Variants in MATCAP1 observed in about 807,000 individuals in gnomAD.
MATCAP1 encodes the protein microtubule associated tyrosine carboxypeptidase 1, also known as microtubule-associated tyrosine carboxypeptidase 1.
At chr16:67,183,032 T>C in the MATCAP1 span, among the ~76,000 whole-genome samples, 1 of 152,188 alleles carries the variant, frequency 6.6e-6, no homozygotes, top group African/African-American at 2.4e-5. Flanking sequence ...CAAGAGCTCT[T>C]CTTTCAGAAC....
chr16:67,178,128 T>C, the MATCAP1 span: 4 of 1,601,804 alleles, frequency 2.5e-6, no homozygotes, highest in Non-Finnish European at 3.4e-6. Context: ...AGGAGGGCGG[T>C]GAGCCCCGCC....
the MATCAP1 span, chr16:67,179,710 T>TGGGGCA: frequency 1.2e-5 from 19 of 1,535,280 alleles, no homozygotes; most frequent in Non-Finnish European, 1.6e-5. This position sits in a 1 kb window ranked among gnomAD's most constrained non-coding sequence, Gnocchi z 5.2. Context: ...CCCACCTCAC[T>TGGGGCA]GGGGCAGGGG....
the MATCAP1 span, chr16:67,179,654 A>G: frequency 2.7e-6 from 4 of 1,470,528 alleles, no homozygotes; most frequent in Non-Finnish European, 2.8e-6. The surrounding 1 kb of genome is among the most constrained non-coding windows in gnomAD (Gnocchi z 5.2). Flanking sequence ...AGGCCAGACA[A>G]TTGGCCAGGG....
the MATCAP1 span, chr16:67,183,802 A>G: frequency 5.9e-6 from 1 of 170,182 alleles, no homozygotes; most frequent in East Asian, 1.9e-4. Context: ...TCTCCGGGAG[A>G]TCAGGAAAGG....
At chr16:67,175,989 G>A in the MATCAP1 span, 1 of 152,976 alleles carries the variant, frequency 6.5e-6, no homozygotes, top group Non-Finnish European at 1.5e-5. Flanking sequence ...AACAGCAGAG[G>A]CCAGTGGAGG....
chr16:67,175,682 G>A, the MATCAP1 span: 2 of 153,260 alleles, frequency 1.3e-5, no homozygotes, highest in African/African-American at 4.8e-5. Context: ...TTACACAAAA[G>A]GCGCTCTATA....
the MATCAP1 span, among the ~76,000 whole-genome samples, chr16:67,182,351 C>T: frequency 2.6e-5 from 4 of 152,054 alleles, no homozygotes; most frequent in African/African-American, 9.7e-5. Context: ...CCTTGCTGGT[C>T]ATCCCTGTCT....
At chr16:67,176,884 C>A in the MATCAP1 span, 1 of 1,610,444 alleles carries the variant, frequency 6.2e-7, no homozygotes, top group South Asian at 1.1e-5. The surrounding 1 kb of genome is among the most constrained non-coding windows in gnomAD (Gnocchi z 4.3). Flanking sequence ...CAGCTGCTGC[C>A]GGTAGCGTGC....
the MATCAP1 span, chr16:67,179,615 G>A: frequency 6.4e-7 from 1 of 1,554,928 alleles, no homozygotes; most frequent in African/African-American, 1.4e-5. The surrounding 1 kb of genome is among the most constrained non-coding windows in gnomAD (Gnocchi z 5.2). Context: ...CCAGGGTGCA[G>A]GTGGACCCAA....
At chr16:67,177,887 C>A in the MATCAP1 span, 3 of 798,758 alleles carry the variant, frequency 3.8e-6, no homozygotes, top group South Asian at 1.5e-5. Context: ...CTTCCACCCA[C>A]GCTCCCCCCT....
At chr16:67,183,543 C>T in the MATCAP1 span, 2 of 152,320 alleles carry the variant, frequency 1.3e-5, no homozygotes, top group African/African-American at 2.4e-5. Flanking sequence ...GTGTACCAAG[C>T]ACCCAGCACT....
chr16:67,175,862 G>A, the MATCAP1 span: 2 of 152,208 alleles, frequency 1.3e-5, no homozygotes, highest in South Asian at 2.1e-4. Flanking sequence ...GTCTAAGAGG[G>A]GTTCAGGACT....
chr16:67,183,866 C>A, the MATCAP1 span: 1 of 178,114 alleles, frequency 5.6e-6, no homozygotes, highest in Non-Finnish European at 1.2e-5. Context: ...CGTGCCGTGC[C>A]CCCACCTGTT....
the MATCAP1 span, among the ~76,000 whole-genome samples, chr16:67,183,096 C>A: frequency 2.6e-5 from 4 of 151,894 alleles, no homozygotes; most frequent in South Asian, 2.1e-4. Flanking sequence ...CATCTTCCCC[C>A]TCTCCACTCC....
At chr16:67,178,782 C>A in the MATCAP1 span, 1 of 677,520 alleles carries the variant, frequency 1.5e-6, no homozygotes, top group East Asian at 2.8e-5. Flanking sequence ...CACACACGTG[C>A]ACGAACTCTC....
At chr16:67,182,678 C>A in the MATCAP1 span, among the ~76,000 whole-genome samples, 94 of 152,358 alleles carry the variant, frequency 6.2e-4, 1 homozygote, top group African/African-American at 2.2e-3. Flanking sequence ...GCATATCAAA[C>A]AGAATATGTC....
At chr16:67,177,667 C>T in the MATCAP1 span, among the ~76,000 whole-genome samples, 1 of 152,232 alleles carries the variant, frequency 6.6e-6, no homozygotes, top group Non-Finnish European at 1.5e-5. Flanking sequence ...CCCGTTGCTT[C>T]AGATGAAATC....
the MATCAP1 span, among the ~76,000 whole-genome samples, chr16:67,183,033 C>CG: frequency 6.6e-6 from 1 of 152,202 alleles, no homozygotes; most frequent in Non-Finnish European, 1.5e-5. Flanking sequence ...AAGAGCTCTT[C>CG]TTTCAGAACT....
the MATCAP1 span, chr16:67,180,492 G>A: frequency 6.3e-7 from 1 of 1,592,860 alleles, no homozygotes; most frequent in East Asian, 2.2e-5. Flanking sequence ...CTGAGACCAG[G>A]GGTACAGTGG....
Sources: gnomAD v4.1 joint callset for allele counts (sites outside exome capture counted in the v4.1 genomes callset) on GRCh38, gnomAD v4.1.1 for gene constraint, Gnocchi (gnomAD v3.1) non-coding constraint, MANE v1.5 for transcripts, NCBI Gene and HGNC (gene_info 2026-07-23, HGNC 2026-07-21) for gene names.